Variants in AGBL4 observed in about 807,000 individuals in gnomAD.
The protein encoded by AGBL4 is AGBL carboxypeptidase 4.
AGBL4 carries 58 observed loss-of-function variants against 66.4 expected under a neutral mutation model. That is an observed-to-expected ratio of 0.87 (90% confidence interval 0.71 to 1.09). The LOEUF (loss-of-function observed/expected upper bound fraction) is 1.09, where lower values mean the gene tolerates loss of function less well. Ranked by LOEUF, AGBL4 falls within the 50% of genes least tolerant of loss-of-function variation. AGBL4 has a pLI of 0.00. For missense variants in AGBL4, 579 were observed against 631.0 expected, an observed-to-expected ratio of 0.92 and a Z score of 0.88; for synonymous variants, 234 against 222.9, an observed-to-expected ratio of 1.05 and a Z score of -0.44.
At chr1:49,853,283 A>G (rs1047328753) in intron 1 of AGBL4, among the ~76,000 whole-genome samples, 1 of 152,198 alleles carries the variant, frequency 6.6e-6, no homozygotes, top group African/African-American at 2.4e-5. Flanking sequence ...TTTCATCAGT[A>G]AGACAGAAAC....
chr1:49,413,610 T>C (rs1179103901), intron 3 of AGBL4, among the ~76,000 whole-genome samples: 1 of 152,168 alleles, frequency 6.6e-6, no homozygotes, highest in East Asian at 1.9e-4. Flanking sequence ...ATGTCTTCCA[T>C]GCCTGCAAAA....
chr1:48,994,814 T>C (rs1660878785), intron 5 of AGBL4, among the ~76,000 whole-genome samples: 1 of 152,280 alleles, frequency 6.6e-6, no homozygotes, highest in East Asian at 1.9e-4. Context: ...AAGCTCTCAG[T>C]AGATTAGTTC....
At chr1:48,816,117 A>G (rs1646172188) in intron 6 of AGBL4, among the ~76,000 whole-genome samples, 1 of 152,086 alleles carries the variant, frequency 6.6e-6, no homozygotes, top group African/African-American at 2.4e-5. Flanking sequence ...AGAGACAGAC[A>G]GACACAGACA....
intron 11 of AGBL4, among the ~76,000 whole-genome samples, chr1:48,581,595 G>A (rs1429610610): frequency 6.6e-6 from 1 of 152,038 alleles, no homozygotes; most frequent in East Asian, 1.9e-4. Context: ...TTTATTACTT[G>A]GCAGGCCAGT....
At chr1:49,378,892 G>C (rs916250414) in intron 3 of AGBL4, among the ~76,000 whole-genome samples, 2 of 152,064 alleles carry the variant, frequency 1.3e-5, no homozygotes, top group Non-Finnish European at 2.9e-5. Flanking sequence ...GTGTGGTCTG[G>C]TGTGTTACCC....
intron 3 of AGBL4, among the ~76,000 whole-genome samples, chr1:49,396,995 G>A (rs1382107336): frequency 6.6e-6 from 1 of 152,162 alleles, no homozygotes; most frequent in East Asian, 1.9e-4. Context: ...CTTATAAGTA[G>A]TGTGCAACCT....
intron 6 of AGBL4, among the ~76,000 whole-genome samples, chr1:48,666,512 T>A (rs796892507): frequency 6.6e-6 from 1 of 152,206 alleles, no homozygotes; most frequent in African/African-American, 2.4e-5. Flanking sequence ...TTGTGTGGCA[T>A]CCTTAGCATG....
chr1:49,805,873 G>C (rs1644965675), intron 2 of AGBL4, among the ~76,000 whole-genome samples: 1 of 152,190 alleles, frequency 6.6e-6, no homozygotes, highest in Non-Finnish European at 1.5e-5. Flanking sequence ...CCAAATCCTT[G>C]ATCTGGGTCT....
intron 3 of AGBL4, among the ~76,000 whole-genome samples, chr1:49,260,683 A>G (rs1653054790): frequency 1.3e-5 from 2 of 152,094 alleles, no homozygotes; most frequent in African/African-American, 4.8e-5. Context: ...ACCAACCAAA[A>G]AGAGTCCAGG....
intron 7 of AGBL4, among the ~76,000 whole-genome samples, chr1:48,659,962 C>T (rs101144): frequency 0.52 from 78,773 of 152,146 alleles, 21,402 homozygotes; most frequent in Middle Eastern, 0.65. Flanking sequence ...AAAGGAACTG[C>T]GGCATAAGGA....
At chr1:49,561,986 T>C (rs1644059445) in intron 3 of AGBL4, among the ~76,000 whole-genome samples, 1 of 152,102 alleles carries the variant, frequency 6.6e-6, no homozygotes, top group Non-Finnish European at 1.5e-5. Flanking sequence ...CCTGACTTTT[T>C]AATGACTGCC....
chr1:49,846,882 C>G (rs1186399347), intron 2 of AGBL4, among the ~76,000 whole-genome samples: 1 of 152,104 alleles, frequency 6.6e-6, no homozygotes, highest in African/African-American at 2.4e-5. Context: ...CAATGCAATC[C>G]CTCTCAAAAT....
intron 5 of AGBL4, among the ~76,000 whole-genome samples, chr1:48,927,739 G>A (rs575317418): frequency 7.9e-5 from 12 of 152,260 alleles, no homozygotes; most frequent in African/African-American, 2.9e-4. Flanking sequence ...AAGTGACATA[G>A]AAACTAAGGA....
intron 6 of AGBL4, among the ~76,000 whole-genome samples, chr1:48,681,858 C>T (rs541620153): frequency 6.6e-6 from 1 of 152,258 alleles, no homozygotes; most frequent in African/African-American, 2.4e-5. Flanking sequence ...AGACAACAGG[C>T]CAGAGACAGT....
chr1:49,664,779 T>C (rs1317251331), intron 3 of AGBL4, among the ~76,000 whole-genome samples: 2 of 152,092 alleles, frequency 1.3e-5, no homozygotes, highest in African/African-American at 4.8e-5. Flanking sequence ...TGGATATATA[T>C]TAACAAGATT....
chr1:48,609,692 G>T (rs1159349388), intron 9 of AGBL4, among the ~76,000 whole-genome samples: 1 of 152,080 alleles, frequency 6.6e-6, no homozygotes, highest in African/African-American at 2.4e-5. Flanking sequence ...CAAAGTGCTG[G>T]GATTACAGAC....
chr1:49,902,320 C>A (rs556327832), intron 1 of AGBL4, among the ~76,000 whole-genome samples: 3 of 152,118 alleles, frequency 2.0e-5, no homozygotes. Context: ...CTATAAGGAC[C>A]TTAAAGAAAT....
intron 5 of AGBL4, among the ~76,000 whole-genome samples, chr1:48,991,344 G>A (rs183579381): frequency 1.3e-3 from 190 of 151,632 alleles, no homozygotes; most frequent in Admixed American, 2.9e-3. Flanking sequence ...CTGAAAAGTC[G>A]GCTGCCAGAT....
chr1:50,011,645 C>T (rs188720282), intron 1 of AGBL4, among the ~76,000 whole-genome samples: 1 of 152,270 alleles, frequency 6.6e-6, no homozygotes, highest in East Asian at 1.9e-4. Flanking sequence ...TGTCCAACAA[C>T]AGATGAATGG....
Sources: gnomAD v4.1 joint callset for allele counts (sites outside exome capture counted in the v4.1 genomes callset) on GRCh38, gnomAD v4.1.1 for gene constraint, MANE v1.5 for transcripts, NCBI Gene and HGNC (gene_info 2026-07-23, HGNC 2026-07-21) for gene names.